Variants in DDHD2 observed in about 807,000 individuals in gnomAD.
DDHD2 encodes triacylglycerol hydrolase DDHD2.
In DDHD2, 62 loss-of-function variants were observed where a neutral mutation model predicts 91.2. The ratio of observed to expected loss-of-function variants is 0.68; its 90% confidence interval spans 0.55 to 0.84. DDHD2 has a LOEUF of 0.84. DDHD2 is among the 40% of genes least tolerant of loss of function. DDHD2 has a pLI of 0.00. For missense variants in DDHD2, 740 were observed against 846.9 expected, an observed-to-expected ratio of 0.87 and a Z score of 1.57; for synonymous variants, 271 against 293.9, an observed-to-expected ratio of 0.92 and a Z score of 0.80.
At chr8:38,249,349 G>A (rs1039691130) in intron 10 of DDHD2, among the ~76,000 whole-genome samples, 7 of 151,374 alleles carry the variant, frequency 4.6e-5, no homozygotes, top group Admixed American at 1.3e-4. Flanking sequence ...TGATCCACCC[G>A]CCTCGGCCTC....
At chr8:38,259,639 C>T (rs780017228) in intron 16 of DDHD2, among the ~76,000 whole-genome samples, 8 of 152,186 alleles carry the variant, frequency 5.3e-5, no homozygotes, top group Non-Finnish European at 1.2e-4. Flanking sequence ...CCACCTTGGC[C>T]TCCCAAAGTG....
intron 1 of DDHD2, chr8:38,268,611 T>A (rs1448144652): frequency 2.8e-6 from 4 of 1,446,066 alleles, no homozygotes; most frequent in Non-Finnish European, 3.6e-6. Flanking sequence ...GCGCCACCAG[T>A]GAACAGCAGC....
chr8:38,235,739 G>T (rs1353822908), intron 3 of DDHD2, among the ~76,000 whole-genome samples: 2 of 148,734 alleles, frequency 1.3e-5, no homozygotes, highest in African/African-American at 5.0e-5. Context: ...AAAAAAAACT[G>T]GTGGGCACAG....
At chr8:38,248,370 GTTTT>G (rs371675401) in intron 10 of DDHD2, among the ~76,000 whole-genome samples, 2 of 107,128 alleles carry the variant, frequency 1.9e-5, no homozygotes, top group South Asian at 6.5e-4. Context: ...CAGCTGATTT[GTTTT>G]TTTTTTTTTT....
At chr8:38,268,712 C>T (rs1808138214) in intron 1 of DDHD2, 5 of 1,432,890 alleles carry the variant, frequency 3.5e-6, no homozygotes, top group Non-Finnish European at 4.6e-6. Flanking sequence ...GGACACCCTC[C>T]TCTCTCAATC....
At chr8:38,247,053 C>T (rs367775964) in intron 9 of DDHD2, 10 of 152,114 alleles carry the variant, frequency 6.6e-5, no homozygotes, top group African/African-American at 2.2e-4. Flanking sequence ...CCTATTTCTC[C>T]TGTTGGACCA....
rs768856268 is a variant in DDHD2, at chr8:38,234,421, C to T, written c.248C>T (p.Pro83Leu). 1 of 1,597,598 alleles carries T rather than the reference C, an allele frequency of 6.3e-7. No homozygotes were observed. The highest frequency in any genetic ancestry group is 1.1e-5 in the South Asian group (1 of 87,432). ...SGKGCNGRVVPTDGGRYDVHL... is the reference protein window; with the variant it reads ...SGKGCNGRVVLTDGGRYDVHL... ...AAAGGTTGTAATGGGAGAGTTGTTCCTACTGATGGGGGCAGATATGATGTT... is the reference window on the plus strand; with the variant it reads ...AAAGGTTGTAATGGGAGAGTTGTTCTTACTGATGGGGGCAGATATGATGTT... The change falls in exon 3 of 18, where the codon CCT becomes CTT. Residue 83 changes from proline (P) to leucine (L), a missense_variant. Pro to Leu is a moderately conservative substitution (Grantham distance 98). Around this residue, in one of 2 missense-constraint regions of DDHD2, gnomAD observed 693 missense variants for 764.2 expected, o/e 0.91. Transcript: ENST00000397166.
At chr8:38,273,032 G>A (rs1319666062), downstream of DDHD2, 1 of 152,292 alleles carries the variant, frequency 6.6e-6, no homozygotes, top group African/African-American at 2.4e-5. Context: ...CAGAACTATG[G>A]TTACCTTTTT....
chr8:38,238,754 G>C, intron 5 of DDHD2: 2 of 833,010 alleles, frequency 2.4e-6, no homozygotes, highest in Non-Finnish European at 2.9e-6. Context: ...TGATAAAAAT[G>C]AAATACTAGA....
chr8:38,243,975 G>A (rs1353729721), intron 7 of DDHD2, among the ~76,000 whole-genome samples: 3 of 151,260 alleles, frequency 2.0e-5, no homozygotes, highest in South Asian at 2.1e-4. Context: ...GGCTAATTTT[G>A]TATTTTTGGT....
intron 16 of DDHD2, among the ~76,000 whole-genome samples, chr8:38,255,812 A>G (rs1441668552): frequency 6.6e-6 from 1 of 151,914 alleles, no homozygotes; most frequent in Non-Finnish European, 1.5e-5. Flanking sequence ...TGTTCATGTC[A>G]TTTCACCTAC....
intron 6 of DDHD2, among the ~76,000 whole-genome samples, chr8:38,241,498 G>A (rs1389500011): frequency 6.6e-6 from 1 of 151,698 alleles, no homozygotes; most frequent in Admixed American, 6.6e-5. Context: ...TCAGCTCACT[G>A]CAACTTCTGC....
intron 1 of DDHD2, 58 bp from the exon 2 acceptor site, chr8:38,232,929 G>C (rs573340745): frequency 1.4e-5 from 16 of 1,180,992 alleles, no homozygotes; most frequent in Admixed American, 4.2e-5. Context: ...GTGCGTGTGT[G>C]TGTGCGAACA....
chr8:38,234,415 T>A lies in DDHD2; in HGVS notation c.242T>A (p.Val81Asp), dbSNP rs1490080051. ...AAAGGAAAAGGTTGTAATGGGAGAG[T>A]TGTTCCTACTGATGGGGGCAGATAT... ...YSSGKGCNGR[V>D]VPTDGGRYDV... The change falls in exon 3 of 18, where the codon GTT (valine) becomes GAT (aspartate). Residue 81 changes from valine (V) to aspartate (D), a missense_variant. This residue lies in a region of DDHD2 where 693 missense variants were observed against 764.2 expected (regional missense o/e 0.91). Transcript: ENST00000397166. 6.3e-7 allele frequency: 1 copy of A among 1,593,928 alleles called. No individual in the cohort carries two copies. Among genetic ancestry groups the A allele is most frequent in the Non-Finnish European group, 8.5e-7 (1 of 1,174,820 alleles).
chr8:38,245,999 GAC>G, intron 8 of DDHD2, 49 bp downstream of exon 8: 1 of 1,531,906 alleles, frequency 6.5e-7, no homozygotes, highest in Non-Finnish European at 9.0e-7. Context: ...ACATTTTAAA[GAC>G]ACCTGTTTTT....
intron 14 of DDHD2, 45 bp downstream of exon 14, chr8:38,252,869 G>GAA: frequency 6.2e-7 from 1 of 1,607,966 alleles, no homozygotes; most frequent in Non-Finnish European, 8.5e-7. Flanking sequence ...CTTTTGGCCA[G>GAA]TGCAAAGGGC....
At position 38,247,521 on chromosome 8, in the gene DDHD2, A is replaced by C. The variant is rs184919645; in HGVS notation, c.1126-192A>C. ...GTTAATGATGATGAATATTTTACTA[A>C]TTTCTTTAAAAACATATTTTCAATT... On this transcript the variant is annotated intron_variant, in intron 9 of 17. Transcript: ENST00000397166. 314 of 362,222 alleles carry C rather than the reference A, an allele frequency of 8.7e-4. 1 individual carries two copies. The highest frequency in any genetic ancestry group is 6.0e-3 in the African/African-American group (284 of 47,576). 22.4% of individuals were successfully genotyped at this position (362,222 alleles called of 1,614,324 possible).
rs1187885344 is a variant in DDHD2 at position 38,247,911 on chromosome 8, C to A, written c.1248+76C>A. 4.3e-5 allele frequency: 48 copies of A among 1,109,306 alleles called. No homozygotes were observed. The South Asian group carries it at 7.1e-4, about 16-fold the overall frequency. 68.7% of individuals were successfully genotyped at this position (1,109,306 alleles called of 1,614,324 possible). A position where few individuals can be genotyped will look rare whatever the true frequency, so the allele number is the denominator to read the frequency against. On this transcript the variant is annotated intron_variant, in intron 10 of 17. Coordinates refer to ENST00000397166, the MANE Select transcript of DDHD2 (RefSeq NM_015214.3). ...TTTATCGTGTTTACTAAGAGCCTACCCTTTAGACACTTTTTAGTCATAAAT... is the reference window on the plus strand; with the variant it reads ...TTTATCGTGTTTACTAAGAGCCTACACTTTAGACACTTTTTAGTCATAAAT...
In DDHD2 at chr8:38,253,550, A is replaced by C; in HGVS notation, c.1892-6A>C. 3 of 1,611,116 alleles carry C rather than the reference A, an allele frequency of 1.9e-6. No individual in the cohort carries two copies. The highest frequency in any genetic ancestry group is 2.5e-6 in the Non-Finnish European group (3 of 1,179,172). Reference sequence around the variant, plus strand: ...TAGATTCTTATTATGGTTCTTCCATATCCAGATGTTAACACAGAAGAGACC... The same window carrying C: ...TAGATTCTTATTATGGTTCTTCCATCTCCAGATGTTAACACAGAAGAGACC... On this transcript the variant is annotated splice_polypyrimidine_tract_variant and splice_region_variant and intron_variant, in intron 15 of 17. Transcript: ENST00000397166.
Sources: gnomAD v4.1 joint callset for allele counts (sites outside exome capture counted in the v4.1 genomes callset) on GRCh38, gnomAD v4.1.1 for gene constraint, gnomAD v4.1.1 regional missense constraint, MANE v1.5 for transcripts, NCBI Gene and HGNC (gene_info 2026-07-23, HGNC 2026-07-21) for gene names.